Variants in GJB1 observed in about 807,000 individuals in gnomAD.
The protein encoded by GJB1 is gap junction protein beta 1, also known as gap junction beta-1 protein.
A neutral mutation model predicts 12.0 loss-of-function variants in GJB1; 1 was observed. The observed-to-expected ratio is 0.08, with a 90% CI of 0.03 to 0.40. The LOEUF is 0.40. GJB1 is among the 10% of genes least tolerant of loss of function. GJB1 has a pLI of 0.98. For missense variants in GJB1, 140 were observed against 250.3 expected, an observed-to-expected ratio of 0.56 and a Z score of 2.97; for synonymous variants, 114 against 102.8, an observed-to-expected ratio of 1.11 and a Z score of -0.66.
upstream of GJB1, among the ~76,000 whole-genome samples, chrX:71,219,808 C>T (rs2092533136): frequency 1.0e-5 from 1 of 96,690 alleles, no homozygotes; most frequent in Non-Finnish European, 2.0e-5. Flanking sequence ...ATAACCTGGC[C>T]AGGTTATTCT....
chrX:71,220,599 T>C (rs2092535495), upstream of GJB1, among the ~76,000 whole-genome samples: 1 of 110,164 alleles, frequency 9.1e-6, no homozygotes, highest in Non-Finnish European at 1.9e-5. Flanking sequence ...CTCTGCCTCC[T>C]GGGTTCTAAC....
chrX:71,219,490 G>A (rs1420501525), upstream of GJB1, among the ~76,000 whole-genome samples: 1 of 108,205 alleles, frequency 9.2e-6, no homozygotes, highest in East Asian at 2.9e-4. Context: ...CCTGGCCAGG[G>A]GCCAGGCGCG....
At chrX:71,222,822 T>A (rs1307785292), upstream of GJB1, 2 of 111,506 alleles carry the variant, frequency 1.8e-5, no homozygotes, top group African/African-American at 6.5e-5. Flanking sequence ...CTCTTTCCTG[T>A]CCTCTTTCCT....
intron 1 of GJB1, among the ~76,000 whole-genome samples, chrX:71,217,125 TGTGTGTGTGTGTGTGC>T (rs1222250905): frequency 2.7e-5 from 3 of 109,858 alleles, no homozygotes; most frequent in African/African-American, 6.6e-5. Context: ...TGTGTGTGTG[TGTGTGTGTGTGTGTGC>T]GTGTGCCAGC....
upstream of GJB1, among the ~76,000 whole-genome samples, chrX:71,219,489 G>A (rs2147941460): frequency 9.2e-6 from 1 of 108,415 alleles, no homozygotes; most frequent in Admixed American, 9.9e-5. Context: ...ACCTGGCCAG[G>A]GGCCAGGCGC....
At chrX:71,215,609 T>C (rs1037113657) in intron 1 of GJB1, among the ~76,000 whole-genome samples, 6 of 112,148 alleles carry the variant, frequency 5.4e-5, no homozygotes, top group African/African-American at 1.6e-4. Context: ...GGTGGCCAAG[T>C]TTGTCTCTCT....
In GJB1 at chrX:71,224,389, C is replaced by T. The variant is rs1408060576; in HGVS notation, c.682C>T (p.Pro228Ser). 8.3e-6 allele frequency: 10 copies of T among 1,208,683 alleles called. No homozygotes were observed. Among genetic ancestry groups the T allele is most frequent in the Admixed American group, 2.2e-5 (1 of 45,699 alleles). The change falls in exon 2 of 2, where the codon CCT becomes TCT. Residue 228 changes from proline to serine, a missense_variant. Around this residue, in one of 4 missense-constraint regions of GJB1, gnomAD observed 75 missense variants for 78.8 expected, o/e 0.95. Coordinates refer to ENST00000361726, the MANE Select transcript of GJB1 (RefSeq NM_000166.6). The stretch of plus-strand genomic sequence containing the variant: ...CCGAGCCCAGCGCCGCTCCAATCCA[C>T]CTTCCCGCAAGGGCTCGGGCTTCGG... ...ARRAQRRSNP[P>S]SRKGSGFGHR... is the part of the protein sequence containing the mutation.
upstream of GJB1, among the ~76,000 whole-genome samples, chrX:71,219,150 C>CTTATTATTA (rs34964191): frequency 2.7e-3 from 265 of 98,030 alleles, no homozygotes; most frequent in East Asian, 9.2e-3. Context: ...TTGAGGTGGT[C>CTTATTATTA]TTATTATTAT....
chrX:71,220,890 CTTTT>C (rs869189116), upstream of GJB1, among the ~76,000 whole-genome samples: 2 of 34,502 alleles, frequency 5.8e-5, no homozygotes, highest in Non-Finnish European at 9.0e-5. Flanking sequence ...TGTTTCTTTC[CTTTT>C]TTTTTTTTTT....
upstream of GJB1, among the ~76,000 whole-genome samples, chrX:71,218,703 G>A (rs1484820559): frequency 9.1e-5 from 10 of 110,131 alleles, no homozygotes; most frequent in South Asian, 3.8e-4. Flanking sequence ...CTAACACGGT[G>A]AAACCCCATC....
In GJB1 at chrX:71,225,376, C is replaced by A. The variant is rs774368952; in HGVS notation, c.*817C>A. 17 of 123,354 alleles carry A rather than the reference C, an allele frequency of 1.4e-4. No individual in the cohort carries two copies. Among genetic ancestry groups the A allele is most frequent in the African/African-American group, 4.9e-4 (15 of 30,904 alleles). 10.2% of individuals were successfully genotyped at this position (123,354 alleles called of 1,213,427 possible). On this transcript the variant is annotated 3_prime_UTR_variant, in exon 2 of 2. Transcript: ENST00000361726. ...CTGTACTTCTGGGCCGCAGAGCCAG[C>A]CCCGGAGCCATTCCTCCCTGTTGCT... is the stretch of plus-strand genomic sequence containing the variant.
At chrX:71,219,731 G>A (rs1342253621), upstream of GJB1, among the ~76,000 whole-genome samples, 10 of 71,551 alleles carry the variant, frequency 1.4e-4, no homozygotes, top group African/African-American at 5.9e-4. Flanking sequence ...CTGAGATCGC[G>A]CCACTGCAGT....
rs2147946992 is a variant in GJB1 at position 71,224,346 on chromosome X, C to T, written c.639C>T (p.Ile213=). The T allele has an allele frequency of 8.3e-7, 1 of 1,209,559 alleles. No individual in the cohort carries two copies. Residue 213 remains isoleucine (I), a synonymous_variant, in exon 2 of 2, where the codon ATC becomes ATT. Transcript: ENST00000361726. ...ILNVAEVVYL[I]IRACARRAQR... Reference sequence around the variant, plus strand: ...ATGTGGCCGAGGTGGTGTACCTCATCATCCGGGCCTGTGCCCGCCGAGCCC... The same window carrying T: ...ATGTGGCCGAGGTGGTGTACCTCATTATCCGGGCCTGTGCCCGCCGAGCCC...
upstream of GJB1, among the ~76,000 whole-genome samples, chrX:71,220,173 C>T (rs1462917875): frequency 5.8e-5 from 3 of 52,051 alleles, no homozygotes; most frequent in African/African-American, 2.5e-4. Context: ...TTGAGACAGC[C>T]GGCTAATTTG....
chrX:71,222,399 C>T (rs2092539353), upstream of GJB1, among the ~76,000 whole-genome samples: 1 of 109,326 alleles, frequency 9.1e-6, no homozygotes, highest in Admixed American at 9.9e-5. Context: ...CCACCACACA[C>T]GGCTAATTTT....
chrX:71,218,642 C>G (rs562027014), upstream of GJB1, among the ~76,000 whole-genome samples: 15 of 109,242 alleles, frequency 1.4e-4, no homozygotes, highest in African/African-American at 4.3e-4. Flanking sequence ...CCAGCACTTT[C>G]GGAGGCCGAG....
upstream of GJB1, among the ~76,000 whole-genome samples, chrX:71,221,491 C>T (rs1045077089): frequency 9.9e-5 from 11 of 110,806 alleles, no homozygotes; most frequent in African/African-American, 3.6e-4. Flanking sequence ...CTTTCCTCTA[C>T]AGCATAGAGG....
upstream of GJB1, among the ~76,000 whole-genome samples, chrX:71,220,141 CCTTT>C (rs2092534047): frequency 1.4e-5 from 1 of 69,469 alleles, no homozygotes; most frequent in African/African-American, 1.0e-4. Flanking sequence ...CTGTGCCTGG[CCTTT>C]TTTTTTTTTT....
At chrX:71,219,144 G>C (rs2092531407), upstream of GJB1, among the ~76,000 whole-genome samples, 1 of 96,716 alleles carries the variant, frequency 1.0e-5, no homozygotes, top group African/African-American at 4.1e-5. Flanking sequence ...ACAATGTTGA[G>C]GTGGTCTTAT....
Sources: allele counts gnomAD v4.1 joint callset (sites outside exome capture counted in the v4.1 genomes callset), GRCh38; gene constraint gnomAD v4.1.1; regional missense constraint gnomAD v4.1.1; transcripts MANE v1.5; gene names NCBI Gene and HGNC (gene_info 2026-07-23, HGNC 2026-07-21).